MLXIP: variants seen among roughly 807,000 people sequenced by gnomAD.
MLXIP encodes the protein MLX interacting protein, also known as MLX-interacting protein.
Under a neutral mutation model 87.2 loss-of-function variants are expected in MLXIP, and 30 were observed. That is an observed-to-expected ratio of 0.34 (90% CI 0.26 to 0.47). MLXIP has a LOEUF of 0.47. Ranked by LOEUF, MLXIP falls within the 20% of genes least tolerant of loss-of-function variation. The probability of loss-of-function intolerance (pLI) is 1.00; values close to 1 mark genes in which losing one functional copy is unlikely to be tolerated. For missense variants in MLXIP, 1,002 were observed against 1,240.1 expected (o/e 0.81, Z 2.88); for synonymous variants, 530 against 514.0 (o/e 1.03, Z -0.42).
intron 1 of MLXIP, among the ~76,000 whole-genome samples, chr12:122,087,123 G>A (rs1952180343): frequency 6.6e-6 from 1 of 152,182 alleles, no homozygotes; most frequent in South Asian, 2.1e-4. Context: ...GAGGGAGCCT[G>A]GCTGGCCGGG....
intron 1 of MLXIP, among the ~76,000 whole-genome samples, chr12:122,110,180 C>T (rs1367606254): frequency 3.9e-5 from 6 of 152,214 alleles, no homozygotes; most frequent in African/African-American, 9.6e-5. Flanking sequence ...GGGTCAGGTA[C>T]GGTGGCTCAC....
intron 1 of MLXIP, among the ~76,000 whole-genome samples, chr12:122,091,529 G>A (rs1163321842): frequency 6.6e-6 from 1 of 152,080 alleles, no homozygotes; most frequent in Non-Finnish European, 1.5e-5. Flanking sequence ...AAAACCTTGT[G>A]TCTGTTTAAA....
Position 122,138,280 on chromosome 12 carries a change from C to T in MLXIP, c.2241C>T (p.Ser747=). Residue 747 remains serine (S), a synonymous_variant, in exon 13 of 17, where the codon TCC becomes TCT. Transcript: ENST00000319080. ...TCGACATGCTCAACAGCCTCATCTC[C>T]AACAATTCCAAGCTGGTGAGTTGCC... ...MCFDMLNSLI[S]NNSKLTSHAI... The T allele has an allele frequency of 6.2e-7, 1 of 1,613,800 alleles. No homozygotes were observed. Among genetic ancestry groups the T allele is most frequent in the Non-Finnish European group, 8.5e-7 (1 of 1,179,814 alleles).
chr12:122,096,354 G>A (rs964387340), intron 1 of MLXIP, among the ~76,000 whole-genome samples: 26 of 149,948 alleles, frequency 1.7e-4, no homozygotes, highest in Non-Finnish European at 2.7e-4. Flanking sequence ...TTTTGATAAC[G>A]CCTCCCATGT....
chr12:122,115,697 C>G (rs139953861), intron 1 of MLXIP, among the ~76,000 whole-genome samples: 128 of 150,580 alleles, frequency 8.5e-4, no homozygotes, highest in Non-Finnish European at 1.6e-3. Flanking sequence ...CTAGGGGAAA[C>G]ATTTGCAGAA....
At chr12:122,116,007 T>C (rs917842824) in intron 1 of MLXIP, among the ~76,000 whole-genome samples, 1 of 151,752 alleles carries the variant, frequency 6.6e-6, no homozygotes, top group African/African-American at 2.4e-5. Context: ...GCCAAGATCA[T>C]GCTGCTGCAA....
intron 1 of MLXIP, among the ~76,000 whole-genome samples, chr12:122,101,364 G>A (rs1952433273): frequency 6.6e-6 from 1 of 150,548 alleles, no homozygotes; most frequent in African/African-American, 2.4e-5. Flanking sequence ...CTGTGCCCAT[G>A]TAGGTAAAAA....
intron 1 of MLXIP, among the ~76,000 whole-genome samples, chr12:122,080,676 G>A (rs1002602000): frequency 2.0e-5 from 3 of 152,082 alleles, no homozygotes; most frequent in African/African-American, 4.8e-5. Context: ...CTCTGGTCTT[G>A]CCAGTTTGAG....
At chr12:122,081,141 C>T (rs1373897102) in intron 1 of MLXIP, among the ~76,000 whole-genome samples, 1 of 151,908 alleles carries the variant, frequency 6.6e-6, no homozygotes, top group African/African-American at 2.4e-5. Context: ...GCTCAGTTAA[C>T]TTTCTTGATT....
At chr12:122,138,746 C>T (rs1953141748) in intron 14 of MLXIP, 69 bp from the exon 15 acceptor site, 4 of 1,578,418 alleles carry the variant, frequency 2.5e-6, no homozygotes, top group Admixed American at 1.8e-5. Flanking sequence ...CCAGCCCTGC[C>T]ATCTTTTGTC....
chr12:122,143,281 T>C lies in MLXIP; in HGVS notation c.*1469T>C, dbSNP rs1265816243. 1 of 152,342 alleles carries C rather than the reference T, an allele frequency of 6.6e-6. No individual in the cohort carries two copies. The highest frequency in any genetic ancestry group is 2.4e-5 in the African/African-American group (1 of 41,466). The allele number at this position is 152,342 out of a possible 1,614,324, so 9.4% of individuals were successfully genotyped here. A position where few individuals can be genotyped will look rare whatever the true frequency, so the allele number is the denominator to read the frequency against. On this transcript the variant is annotated 3_prime_UTR_variant, in exon 17 of 17. Transcript: ENST00000319080. ...GGGCTGTCCCACAGTTTAGATCCAG[T>C]TGGAGGTTCTCCCTGGCTCCTGCAG...
intron 1 of MLXIP, among the ~76,000 whole-genome samples, chr12:122,124,190 C>T: frequency 9.1e-6 from 1 of 109,534 alleles, no homozygotes; most frequent in Middle Eastern, 4.4e-3. Flanking sequence ...CCCAGCCGTC[C>T]CCCGCCCTCA....
intron 1 of MLXIP, among the ~76,000 whole-genome samples, chr12:122,114,703 G>A (rs1471775468): frequency 6.6e-6 from 1 of 151,066 alleles, no homozygotes; most frequent in African/African-American, 2.4e-5. Flanking sequence ...GCAGCCCAGG[G>A]CAAAGGCTTG....
Position 122,135,608 on chromosome 12 carries a change from G to A in MLXIP, c.1974G>A (p.Gly658=), listed in dbSNP as rs758184660. 1.1e-5 allele frequency: 17 copies of A among 1,577,490 alleles called. No homozygotes were observed. The highest frequency in any genetic ancestry group is 1.5e-5 in the Non-Finnish European group (17 of 1,163,246). ...CAAGCACAGCGCAAGACCCCCTGGG[G>A]AAGGGCGAGCAGGTCCCGCTGCATG... ...LFPSTAQDPL[G]KGEQVPLHGG... is the part of the protein sequence containing the mutation. The change falls in exon 11 of 17, where the codon GGG becomes GGA. Residue 658 remains glycine (G), a synonymous_variant. Coordinates refer to ENST00000319080, the MANE Select transcript of MLXIP (RefSeq NM_014938.6). The surrounding 1 kb of genome is among the most constrained non-coding windows in gnomAD (Gnocchi z 5.3).
At chr12:122,108,367 CAA>C (rs61424369) in intron 1 of MLXIP, among the ~76,000 whole-genome samples, 342 of 80,506 alleles carry the variant, frequency 4.2e-3, no homozygotes, top group African/African-American at 9.6e-3. Flanking sequence ...GACTCCATCT[CAA>C]AAAAAAAAAA....
intron 4 of MLXIP, 107 bp from the exon 5 acceptor site, chr12:122,129,481 T>G: frequency 1.5e-6 from 2 of 1,299,432 alleles, no homozygotes; most frequent in Admixed American, 2.0e-5. Flanking sequence ...CTGGGGATGG[T>G]GTGAGCAGGA....
chr12:122,113,677 A>ATTTTTTTTTTT (rs1305197741), intron 1 of MLXIP, among the ~76,000 whole-genome samples: 1 of 87,944 alleles, frequency 1.1e-5, no homozygotes, highest in African/African-American at 4.9e-5. Context: ...AACTGCCTTC[A>ATTTTTTTTTTT]TTTCTTTTTT....
At chr12:122,092,840 T>G (rs1952266633) in intron 1 of MLXIP, among the ~76,000 whole-genome samples, 1 of 152,154 alleles carries the variant, frequency 6.6e-6, no homozygotes, top group Non-Finnish European at 1.5e-5. Context: ...GACTCTTGTT[T>G]AGTTTCCGAC....
At chr12:122,089,393 C>T (rs2135901521) in intron 1 of MLXIP, among the ~76,000 whole-genome samples, 1 of 152,314 alleles carries the variant, frequency 6.6e-6, no homozygotes, top group African/African-American at 2.4e-5. Flanking sequence ...ATTCTTAAAA[C>T]AGTATATAAT....
Sources: gnomAD v4.1 joint callset for allele counts (sites outside exome capture counted in the v4.1 genomes callset) on GRCh38, gnomAD v4.1.1 for gene constraint, Gnocchi (gnomAD v3.1) non-coding constraint, MANE v1.5 for transcripts, NCBI Gene and HGNC (gene_info 2026-07-23, HGNC 2026-07-21) for gene names.